The following BPIFC variants were observed in gnomAD, a reference collection of about 807,000 sequenced individuals.
BPIFC encodes the protein BPI fold-containing family C protein.
Under a neutral mutation model 57.6 loss-of-function variants are expected in BPIFC, and 60 were observed. That is an observed-to-expected ratio of 1.04 (90% CI 0.85 to 1.29). BPIFC has a LOEUF of 1.29. BPIFC is among the 50% of genes most tolerant of loss of function. The probability of loss-of-function intolerance (pLI) is 0.00; values close to 1 mark genes in which losing one functional copy is unlikely to be tolerated. For missense variants in BPIFC, 581 were observed against 600.5 expected (o/e 0.97, Z 0.34); for synonymous variants, 243 against 224.5 (o/e 1.08, Z -0.74).
In BPIFC at chr22:32,435,759, G is replaced by A. The variant is rs766182794; in HGVS notation, c.869C>T (p.Ala290Val). 11 of 1,614,036 alleles carry A rather than the reference G, an allele frequency of 6.8e-6. No individual in the cohort carries two copies. The highest frequency in any genetic ancestry group is 2.2e-5 in the South Asian group (2 of 91,082). Residue 290 changes from alanine (A) to valine (V), a missense_variant, in exon 10 of 17, where the codon GCG (alanine) becomes GTG (valine). Coordinates refer to ENST00000300399, the MANE Select transcript of BPIFC (RefSeq NM_174932.3). ...CCCAGCTGTGAAATGAGCAAAGGAC[G>A]CAGATTTAAAGAAATACTCGGCGAT... ...IGIAEYFFKS[A>V]SFAHFTAGVF...
chr22:32,454,534 C>T (rs1934986337), intron 3 of BPIFC, among the ~76,000 whole-genome samples: 1 of 152,106 alleles, frequency 6.6e-6, no homozygotes, highest in South Asian at 2.1e-4. Context: ...GAGACCTCTC[C>T]CACATTAAAG....
At chr22:32,425,541 C>T (rs1395033061) in intron 13 of BPIFC, among the ~76,000 whole-genome samples, 2 of 152,184 alleles carry the variant, frequency 1.3e-5, no homozygotes, top group Admixed American at 6.5e-5. Context: ...ACCTCCTTGT[C>T]CTGGCTGAGG....
At chr22:32,446,546 T>G (rs1441999227) in intron 5 of BPIFC, among the ~76,000 whole-genome samples, 1 of 152,190 alleles carries the variant, frequency 6.6e-6, no homozygotes, top group Non-Finnish European at 1.5e-5. Context: ...GTGTCATTTC[T>G]CTACAATCTA....
chr22:32,453,793 T>C (rs529804204), intron 3 of BPIFC, among the ~76,000 whole-genome samples: 1 of 152,134 alleles, frequency 6.6e-6, no homozygotes, highest in South Asian at 2.1e-4. Context: ...AGTATAACAT[T>C]TTCTTCAGGT....
Position 32,432,443 on chromosome 22 carries a change from A to T in BPIFC, c.1079T>A (p.Ile360Asn), listed in dbSNP as rs1934274717. The change falls in exon 12 of 17, where the codon ATC (isoleucine) becomes AAC (asparagine). Residue 360 changes from isoleucine to asparagine, a missense_variant. By Grantham distance (149) the Ile-to-Asn change is moderately radical. Coordinates refer to ENST00000300399, the MANE Select transcript of BPIFC (RefSeq NM_174932.3). ...NLQPGNFTLD[I>N]PASIMMLTQP... Reference sequence around the variant, plus strand: ...GGTGAGCATCATGATGGAGGCAGGGATGTCCAGGGTGAAATTGCCTGGTTG... The same window carrying T: ...GGTGAGCATCATGATGGAGGCAGGGTTGTCCAGGGTGAAATTGCCTGGTTG... 1.2e-6 allele frequency: 2 copies of T among 1,613,992 alleles called. No homozygotes were observed. The highest frequency in any genetic ancestry group is 2.2e-5 in the South Asian group (2 of 91,086).
intron 4 of BPIFC, 104 bp downstream of exon 4, chr22:32,453,272 GAAAAAGA>G (rs1934942709): frequency 2.4e-6 from 2 of 847,960 alleles, no homozygotes. Flanking sequence ...CAGCAGAACA[GAAAAAGA>G]TAAGAAGGCT....
At chr22:32,428,680 C>A (rs113364854) in intron 13 of BPIFC, among the ~76,000 whole-genome samples, 2 of 152,276 alleles carry the variant, frequency 1.3e-5, no homozygotes, top group African/African-American at 4.8e-5. Flanking sequence ...CCCAGATCGC[C>A]TGAGGTCAGG....
rs375008064 is a variant in BPIFC, at chr22:32,437,680, C to T, written c.747+80G>A. ...TGCTGGGATTACAGGTGTGAGGCAC[C>T]GTGCCCAGTCCATAATCATTGTTTT... is the stretch of plus-strand genomic sequence containing the variant. On this transcript the variant is annotated intron_variant, in intron 9 of 16. Transcript: ENST00000300399. 348 of 1,054,700 alleles carry T rather than the reference C, an allele frequency of 3.3e-4. No homozygotes were observed. In the East Asian group the frequency reaches 7.8e-3, roughly 24 times the overall value. The allele number at this position is 1,054,700 out of a possible 1,614,324, so 65.3% of individuals were successfully genotyped here. A position where few individuals can be genotyped will look rare whatever the true frequency, so the allele number is the denominator to read the frequency against.
chr22:32,436,416 GAA>G (rs1287313116), intron 9 of BPIFC, among the ~76,000 whole-genome samples: 1 of 147,616 alleles, frequency 6.8e-6, no homozygotes, highest in Non-Finnish European at 1.5e-5. Context: ...GGAGGGAAAA[GAA>G]GGAGAAGGAG....
At chr22:32,445,357 G>A (rs1049189525) in intron 7 of BPIFC, among the ~76,000 whole-genome samples, 5 of 152,070 alleles carry the variant, frequency 3.3e-5, no homozygotes, top group African/African-American at 1.2e-4. Flanking sequence ...CCAACACAGT[G>A]AAACCCCGTC....
At chr22:32,436,370 GGAGGAGGAA>G (rs879378068) in intron 9 of BPIFC, among the ~76,000 whole-genome samples, 4,730 of 107,528 alleles carry the variant, frequency 0.044, 254 homozygotes, top group African/African-American at 0.12. Context: ...AGGAGGAGGA[GGAGGAGGAA>G]GAGGAGGAGG....
intron 4 of BPIFC, among the ~76,000 whole-genome samples, chr22:32,451,324 C>T (rs528973960): frequency 2.0e-5 from 3 of 152,254 alleles, no homozygotes; most frequent in East Asian, 1.9e-4. Flanking sequence ...AGTAGTGCCA[C>T]GATAAACATA....
intron 8 of BPIFC, among the ~76,000 whole-genome samples, chr22:32,440,022 G>A (rs73170345): frequency 9.3e-4 from 141 of 152,314 alleles, no homozygotes; most frequent in Non-Finnish European, 1.5e-3. Context: ...CTCAAGGAAA[G>A]CTAGAACATG....
chr22:32,414,649 G>A (rs1267546190), intron 16 of BPIFC, among the ~76,000 whole-genome samples: 1 of 152,124 alleles, frequency 6.6e-6, no homozygotes, highest in Non-Finnish European at 1.5e-5. Context: ...AAGCAGCTGG[G>A]ACTACAGGTG....
chr22:32,458,827 C>T (rs113309394), intron 2 of BPIFC, among the ~76,000 whole-genome samples: 13 of 152,258 alleles, frequency 8.5e-5, no homozygotes, highest in Middle Eastern at 3.4e-3. Flanking sequence ...CAGTACAATA[C>T]CTGGCACATA....
Position 32,448,886 on chromosome 22 carries a change from G to A in BPIFC, c.246-1546C>T, listed in dbSNP as rs190028093. Among the ~76,000 whole-genome samples, 412 of 151,776 alleles carry A rather than the reference G, an allele frequency of 2.7e-3. 3 individuals are homozygous for A. The highest frequency in any genetic ancestry group is 4.4e-3 in the Non-Finnish European group (299 of 67,930). ...CCAGGAGTGGAGGCTGCAGTGAGCC[G>A]AGATCGCCCCACTGCACACCAGCCC... On this transcript the variant is annotated intron_variant, in intron 4 of 16. Transcript: ENST00000300399.
intron 13 of BPIFC, among the ~76,000 whole-genome samples, chr22:32,423,577 G>GGGGTGT (rs1556036074): frequency 1.2e-3 from 175 of 143,256 alleles, no homozygotes; most frequent in African/African-American, 4.0e-3. Flanking sequence ...GTAGGGTGTG[G>GGGGTGT]GTGTGTGTGT....
chr22:32,436,394 A>AAAG (rs1556041027), intron 9 of BPIFC, among the ~76,000 whole-genome samples: 44,844 of 137,770 alleles, frequency 0.33, 7,530 homozygotes, highest in Admixed American at 0.4. Context: ...AGGAGGAGGA[A>AAAG]GAGGAGGAGG....
In BPIFC at chr22:32,453,594, A is replaced by G. The variant is rs115005132; in HGVS notation, c.125-91T>C. 2.7e-3 allele frequency: 3,844 copies of G among 1,410,534 alleles called. 92 individuals carry two copies. The African/African-American group carries it at 0.049, about 18-fold the overall frequency. 87.4% of individuals were successfully genotyped at this position (1,410,534 alleles called of 1,614,324 possible). A position where few individuals can be genotyped will look rare whatever the true frequency, so the allele number is the denominator to read the frequency against. On this transcript the variant is annotated intron_variant, in intron 3 of 16. Coordinates refer to ENST00000300399, the MANE Select transcript of BPIFC (RefSeq NM_174932.3). Reference sequence around the variant, plus strand: ...CCACACAAATACAATTTATTGAGTGAGACATGCCCTTAGATACTTAGAAAA... The same window carrying G: ...CCACACAAATACAATTTATTGAGTGGGACATGCCCTTAGATACTTAGAAAA...
Sources: gnomAD v4.1 joint callset for allele counts (sites outside exome capture counted in the v4.1 genomes callset) on GRCh38, gnomAD v4.1.1 for gene constraint, MANE v1.5 for transcripts, NCBI Gene and HGNC (gene_info 2026-07-23, HGNC 2026-07-21) for gene names.